The following REM2 variants were observed in gnomAD, a reference collection of about 807,000 sequenced individuals.
REM2 encodes the protein GTP-binding protein REM 2.
REM2 carries 24 observed loss-of-function variants against 24.4 expected under a neutral mutation model. The ratio of observed to expected loss-of-function variants is 0.98; its 90% CI spans 0.71 to 1.38. The LOEUF (loss-of-function observed/expected upper bound fraction) is 1.38. Ranked by LOEUF, REM2 falls within the 40% of genes most tolerant of loss-of-function variation. The probability of loss-of-function intolerance (pLI) is 0.00; values close to 1 mark genes in which losing one functional copy is unlikely to be tolerated. For synonymous variants in REM2, 187 were observed against 198.0 expected (o/e 0.94, Z 0.47); for missense variants, 429 against 467.8 (o/e 0.92, Z 0.77).
Position 22,883,259 on chromosome 14 carries a change from C to T in REM2, c.-29C>T. 1.4e-6 allele frequency: 1 copy of T among 716,640 alleles called. No homozygotes were observed. Among genetic ancestry groups the T allele is most frequent in the Non-Finnish European group, 2.2e-6 (1 of 448,654 alleles). 44.4% of individuals were successfully genotyped at this position (716,640 alleles called of 1,614,324 possible). A position where few individuals can be genotyped will look rare whatever the true frequency, so the allele number is the denominator to read the frequency against. ...GGGTGCTGCGAGCTGCTGGGCTGCA[C>T]ACGCACACGCACACGCACACGCACA... On this transcript the variant is annotated 5_prime_UTR_variant, in exon 1 of 5. Coordinates refer to ENST00000267396, the MANE Select transcript of REM2 (RefSeq NM_173527.3).
Position 22,886,024 on chromosome 14 carries a change from G to A in REM2, c.520G>A (p.Gly174Arg). The change falls in exon 4 of 5, where the codon GGG becomes AGG. Residue 174 changes from glycine (G) to arginine (R), a missense_variant and splice_region_variant. Transcript: ENST00000267396. The surrounding 1 kb of genome is among the most constrained non-coding windows in gnomAD (Gnocchi z 5.9). Reference sequence around the variant, plus strand: ...CTAACGTTCCTCTGCCTGTCTGCAGGGGGATGCAGGAGGGTGGCTGCGGGA... The same window carrying A: ...CTAACGTTCCTCTGCCTGTCTGCAGAGGGATGCAGGAGGGTGGCTGCGGGA... ...TLVVYDIWEQGDAGGWLRDHC... is the reference protein window; with the variant it reads ...TLVVYDIWEQRDAGGWLRDHC... 6.2e-7 allele frequency: 1 copy of A among 1,613,364 alleles called. No individual in the cohort carries two copies. Among genetic ancestry groups the A allele is most frequent in the Non-Finnish European group, 8.5e-7 (1 of 1,179,348 alleles).
chr14:22,885,397 C>A, intron 3 of REM2, 58 bp downstream of exon 3: 2 of 1,320,230 alleles, frequency 1.5e-6, no homozygotes, highest in Non-Finnish European at 2.2e-6. Flanking sequence ...TGGGGAAGGG[C>A]AAAGTCTGGC....
Position 22,886,455 on chromosome 14 carries a change from C to T in REM2, c.728-159C>T, listed in dbSNP as rs1195944757. 25 of 754,558 alleles carry T rather than the reference C, an allele frequency of 3.3e-5. No individual in the cohort carries two copies. Among genetic ancestry groups the T allele is most frequent in the Non-Finnish European group, 5.3e-5 (25 of 474,940 alleles). The allele number at this position is 754,558 out of a possible 1,614,324, so 46.7% of individuals were successfully genotyped here. A position where few individuals can be genotyped will look rare whatever the true frequency, so the allele number is the denominator to read the frequency against. On this transcript the variant is annotated intron_variant, in intron 4 of 4. Transcript: ENST00000267396. This position sits in a 1 kb window ranked among gnomAD's most constrained non-coding sequence, Gnocchi z 5.9. ...GGCCTCCTTCTCCCTCTCCTTCGCA[C>T]CTCCACAGACCCACCATATGAGCTC...
rs1219181226 is a variant in REM2, at chr14:22,887,000, T to A, written c.*91T>A. ...CCGCCCCGCCCCCGTCCGGCTTCCTTGGTGGAGGCCGTCTAGGAAACCAAA... is the reference window on the plus strand; with the variant it reads ...CCGCCCCGCCCCCGTCCGGCTTCCTAGGTGGAGGCCGTCTAGGAAACCAAA... On this transcript the variant is annotated 3_prime_UTR_variant, in exon 5 of 5. Transcript: ENST00000267396. This position sits in a 1 kb window ranked among gnomAD's most constrained non-coding sequence, Gnocchi z 5.9. 2.5e-6 allele frequency: 3 copies of A among 1,181,028 alleles called. No homozygotes were observed. The highest frequency in any genetic ancestry group is 3.4e-6 in the Non-Finnish European group (3 of 888,138). 73.2% of individuals were successfully genotyped at this position (1,181,028 alleles called of 1,614,324 possible).
In REM2 at chr14:22,887,022, C is replaced by A; in HGVS notation, c.*113C>A. ...CCTTGGTGGAGGCCGTCTAGGAAACCAAAAACTCCCAGGATGCCCCGGTGT... is the reference window on the plus strand; with the variant it reads ...CCTTGGTGGAGGCCGTCTAGGAAACAAAAAACTCCCAGGATGCCCCGGTGT... On this transcript the variant is annotated 3_prime_UTR_variant, in exon 5 of 5. Transcript: ENST00000267396. 3 of 1,006,574 alleles carry A rather than the reference C, an allele frequency of 3.0e-6. No homozygotes were observed. The highest frequency in any genetic ancestry group is 1.7e-5 in the African/African-American group (1 of 58,464). 62.4% of individuals were successfully genotyped at this position (1,006,574 alleles called of 1,614,324 possible).
chr14:22,886,892 G>A lies in REM2; in HGVS notation c.1006G>A (p.Asp336Asn). The A allele has an allele frequency of 6.6e-7, 1 of 1,521,020 alleles. No homozygotes were observed. Among genetic ancestry groups the A allele is most frequent in the Non-Finnish European group, 8.8e-7 (1 of 1,133,602 alleles). The allele number at this position is 1,521,020 out of a possible 1,614,324, so 94.2% of individuals were successfully genotyped here. ...FFKQRSRSCH[D>N]LSVL ...CAAGCAGCGCTCCAGGTCGTGTCACGACCTCTCGGTGCTCTGAGCCGCGGT... is the reference window on the plus strand; with the variant it reads ...CAAGCAGCGCTCCAGGTCGTGTCACAACCTCTCGGTGCTCTGAGCCGCGGT... The change falls in exon 5 of 5, where the codon GAC becomes AAC. Residue 336 changes from aspartate (D) to asparagine (N), a missense_variant. Asp to Asn is a conservative substitution (Grantham distance 23). Transcript: ENST00000267396. This position sits in a 1 kb window ranked among gnomAD's most constrained non-coding sequence, Gnocchi z 5.9.
At chr14:22,884,612 G>A in intron 1 of REM2, 62 bp from the exon 2 acceptor site, 1 of 1,526,656 alleles carries the variant, frequency 6.6e-7, no homozygotes, top group Non-Finnish European at 8.8e-7. Context: ...TGAGCCTTCT[G>A]CATATGGTTG....
chr14:22,883,860 C>CAGTTACCCTG (rs887684574), intron 1 of REM2, among the ~76,000 whole-genome samples: 1 of 151,908 alleles, frequency 6.6e-6, no homozygotes, highest in Non-Finnish European at 1.5e-5. Context: ...GTTCCTCCTC[C>CAGTTACCCTG]AGTTACCCTG....
At position 22,886,145 on chromosome 14, in the gene REM2, G is replaced by A. The variant is rs769572112; in HGVS notation, c.641G>A (p.Arg214Gln). Reference protein sequence around the residue: ...SKVPETLLRLRAGRPHHDLPV... With the variant: ...SKVPETLLRLQAGRPHHDLPV... ...GTTCCAGAGACCCTACTTCGGCTCCGGGCTGGGAGGCCGCACCACGACCTA... is the reference window on the plus strand; with the variant it reads ...GTTCCAGAGACCCTACTTCGGCTCCAGGCTGGGAGGCCGCACCACGACCTA... The change falls in exon 4 of 5, where the codon CGG (arginine) becomes CAG (glutamine). Residue 214 changes from arginine (R) to glutamine (Q), a missense_variant. Transcript: ENST00000267396. The surrounding 1 kb of genome is among the most constrained non-coding windows in gnomAD (Gnocchi z 5.9). 1.9e-6 allele frequency: 3 copies of A among 1,613,842 alleles called. No homozygotes were observed. The highest frequency in any genetic ancestry group is 1.3e-5 in the African/African-American group (1 of 74,918).
In REM2 at chr14:22,887,478, C is replaced by T. The variant is rs2040142222; in HGVS notation, c.*569C>T. The T allele has an allele frequency of 1.3e-5, 2 of 152,334 alleles. No homozygotes were observed. 9.4% of individuals were successfully genotyped at this position (152,334 alleles called of 1,614,324 possible). A position where few individuals can be genotyped will look rare whatever the true frequency, so the allele number is the denominator to read the frequency against. On this transcript the variant is annotated 3_prime_UTR_variant, in exon 5 of 5. Coordinates refer to ENST00000267396, the MANE Select transcript of REM2 (RefSeq NM_173527.3). ...TTAAGGAGTTCTTAAAGGCAAGGGC[C>T]TGGAAGTGCTGTTCCTGAGATGGAT...
chr14:22,884,053 AAGC>A, intron 1 of REM2: 1 of 985,002 alleles, frequency 1.0e-6, no homozygotes, highest in Non-Finnish European at 1.2e-6. Flanking sequence ...GGGCCACGGG[AAGC>A]AGCAGCCCCT....
rs1269829055 is a variant in REM2, at chr14:22,886,184, T to A, written c.680T>A (p.Val227Asp). The part of the protein sequence containing the change: ...RPHHDLPVIL[V>D]GNKSDLARSR... ...CACCACGACCTACCCGTTATCCTCGTTGGAAACAAGAGCGACTTGGCCCGC... is the reference window on the plus strand; with the variant it reads ...CACCACGACCTACCCGTTATCCTCGATGGAAACAAGAGCGACTTGGCCCGC... Residue 227 changes from valine (V) to aspartate (D), a missense_variant, in exon 4 of 5, where the codon GTT (valine) becomes GAT (aspartate). By Grantham distance (152) the Val-to-Asp change is radical. Transcript: ENST00000267396. The surrounding 1 kb of genome is among the most constrained non-coding windows in gnomAD (Gnocchi z 5.9). 2 of 1,613,946 alleles carry A rather than the reference T, an allele frequency of 1.2e-6. No homozygotes were observed. Among genetic ancestry groups the A allele is most frequent in the East Asian group, 2.2e-5 (1 of 44,876 alleles).
rs2040122238 is a variant in REM2, at chr14:22,886,019, T to C, written c.520-5T>C. 1.2e-6 allele frequency: 2 copies of C among 1,612,800 alleles called. No individual in the cohort carries two copies. Among genetic ancestry groups the C allele is most frequent in the Non-Finnish European group, 8.5e-7 (1 of 1,178,940 alleles). On this transcript the variant is annotated splice_region_variant and splice_polypyrimidine_tract_variant and intron_variant, in intron 3 of 4. Transcript: ENST00000267396. The surrounding 1 kb of genome is among the most constrained non-coding windows in gnomAD (Gnocchi z 5.9). ...CAGCCCTAACGTTCCTCTGCCTGTC[T>C]GCAGGGGGATGCAGGAGGGTGGCTG...
rs757137970 is a variant in REM2, at chr14:22,884,650, C to T, written c.104-24C>T. On this transcript the variant is annotated intron_variant, in intron 1 of 4. Transcript: ENST00000267396. ...CATATCCCACTCATAGCTTCCTTTT[C>T]TTTGCCCTCCCATTTTATTTTAGAA... The T allele has an allele frequency of 3.2e-6, 5 of 1,575,464 alleles. No homozygotes were observed. The East Asian group carries it at 1.1e-4, about 35-fold the overall frequency.
chr14:22,884,743 C>G lies in REM2; in HGVS notation c.173C>G (p.Ser58Cys). Reference sequence around the variant, plus strand: ...GAGTTGGACCGGAGCGGGTTACCCTCTGCCCCTGGGGCCCCCAGACGAAGA... The same window carrying G: ...GAGTTGGACCGGAGCGGGTTACCCTGTGCCCCTGGGGCCCCCAGACGAAGA... Reference protein sequence around the residue: ...LAELDRSGLPSAPGAPRRRGS... With the variant: ...LAELDRSGLPCAPGAPRRRGS... Residue 58 changes from serine (S) to cysteine (C), a missense_variant, in exon 2 of 5, where the codon TCT becomes TGT. Physicochemically the swap from Ser to Cys is moderately radical, Grantham distance 112 (BLOSUM62 -1). Coordinates refer to ENST00000267396, the MANE Select transcript of REM2 (RefSeq NM_173527.3). 1 of 1,614,050 alleles carries G rather than the reference C, an allele frequency of 6.2e-7. No individual in the cohort carries two copies. Among genetic ancestry groups the G allele is most frequent in the Non-Finnish European group, 8.5e-7 (1 of 1,179,884 alleles).
At chr14:22,885,201 C>CT in intron 2 of REM2, 65 bp from the exon 3 acceptor site, 1 of 1,471,492 alleles carries the variant, frequency 6.8e-7, no homozygotes, top group Non-Finnish European at 9.5e-7. Context: ...TCCCTGGTTA[C>CT]CAGGTCTCAC....
intron 3 of REM2, among the ~76,000 whole-genome samples, 174 bp downstream of exon 3, chr14:22,885,513 T>A (rs1027824152): frequency 2.6e-5 from 4 of 152,156 alleles, no homozygotes; most frequent in Non-Finnish European, 5.9e-5. Context: ...CCTGTGGCTG[T>A]TAAGACCCAC....
chr14:22,885,129 A>T, intron 2 of REM2, 114 bp downstream of exon 2: 2 of 1,385,612 alleles, frequency 1.4e-6, no homozygotes, highest in Non-Finnish European at 2.0e-6. Context: ...AGCTTTTCCA[A>T]TGCTTTCTGT....
At position 22,884,677 on chromosome 14, in the gene REM2, C is replaced by G. The variant is rs1477947960; in HGVS notation, c.107C>G (p.Ala36Gly). The G allele has an allele frequency of 1.9e-6, 3 of 1,593,282 alleles. No individual in the cohort carries two copies. The highest frequency in any genetic ancestry group is 4.5e-5 in the East Asian group (2 of 44,548). The change falls in exon 2 of 5, where the codon GCA becomes GGA. Residue 36 changes from alanine (A) to glycine (G), a missense_variant. Ala to Gly is a moderately conservative substitution (Grantham distance 60, BLOSUM62 0). Coordinates refer to ENST00000267396, the MANE Select transcript of REM2 (RefSeq NM_173527.3). ...ASPPGTPTPE[A>G]DATLLKKSEK... ...TTGCCCTCCCATTTTATTTTAGAAG[C>G]AGATGCCACGCTACTAAAGAAGTCA...
Sources: allele counts gnomAD v4.1 joint callset (sites outside exome capture counted in the v4.1 genomes callset), GRCh38; gene constraint gnomAD v4.1.1; non-coding constraint Gnocchi (gnomAD v3.1); transcripts MANE v1.5; gene names NCBI Gene and HGNC (gene_info 2026-07-23, HGNC 2026-07-21).